Variants in DGKD observed in about 807,000 individuals in gnomAD.
DGKD encodes DAG kinase delta.
In DGKD, 68 loss-of-function variants were observed where a neutral mutation model predicts 154.4. The observed-to-expected ratio is 0.44, with a 90% CI of 0.36 to 0.54. DGKD has a LOEUF of 0.54. Ranked by LOEUF, DGKD falls within the 20% of genes least tolerant of loss-of-function variation. DGKD has a pLI of 0.00. For synonymous variants in DGKD, 693 were observed against 638.0 expected, an observed-to-expected ratio of 1.09 and a Z score of -1.30; for missense variants, 1,343 against 1,593.6, an observed-to-expected ratio of 0.84 and a Z score of 2.68.
At chr2:233,412,327 G>A (rs1193767338) in intron 3 of DGKD, among the ~76,000 whole-genome samples, 1 of 151,468 alleles carries the variant, frequency 6.6e-6, no homozygotes, top group East Asian at 1.9e-4. Flanking sequence ...CAGTGTAGAT[G>A]TCTTTAACGT....
intron 1 of DGKD, among the ~76,000 whole-genome samples, chr2:233,364,876 TACG>T (rs1701949256): frequency 6.6e-6 from 1 of 152,122 alleles, no homozygotes; most frequent in Non-Finnish European, 1.5e-5. Context: ...TTGAAAGAGA[TACG>T]TTTAAAACAT....
rs561797685 is a variant in DGKD, at chr2:233,449,601, T to C, written c.1888+225T>C. Among the ~76,000 whole-genome samples the C allele has an allele frequency of 2.0e-5, 3 of 152,196 alleles. No homozygotes were observed. The highest frequency in any genetic ancestry group is 2.1e-4 in the South Asian group (1 of 4,808). On this transcript the variant is annotated intron_variant, in intron 15 of 29. Transcript: ENST00000264057. The surrounding 1 kb of genome is among the most constrained non-coding windows in gnomAD (Gnocchi z 5.3). ...TCATGCTGCCTCCCCTCGACCTCTT[T>C]CCTGGCCCTCATTGACTTCACTATA...
At chr2:233,390,886 A>G (rs1232192110) in intron 3 of DGKD, among the ~76,000 whole-genome samples, 3 of 152,112 alleles carry the variant, frequency 2.0e-5, no homozygotes, top group Non-Finnish European at 4.4e-5. Flanking sequence ...GGCATGTGCC[A>G]CCACACCTGG....
intron 28 of DGKD, 28 bp downstream of exon 28, chr2:233,467,231 C>G (rs1173602857): frequency 1.3e-6 from 2 of 1,536,118 alleles, no homozygotes; most frequent in East Asian, 4.5e-5. Flanking sequence ...GCGTGTGTTT[C>G]TGGCCGTCCA....
chr2:233,434,699 G>T (rs1459236457), intron 4 of DGKD, 70 bp from the exon 5 acceptor site: 3 of 1,572,854 alleles, frequency 1.9e-6, no homozygotes, highest in Non-Finnish European at 2.6e-6. Flanking sequence ...GTTTAATCTT[G>T]TCCAAGTTAC....
chr2:233,387,844 G>A (rs1703289029), intron 1 of DGKD, among the ~76,000 whole-genome samples: 1 of 152,152 alleles, frequency 6.6e-6, no homozygotes, highest in Non-Finnish European at 1.5e-5. Context: ...AATGGCAGGG[G>A]GCCAGAGAAC....
rs551378426 is a variant in DGKD, at chr2:233,418,541, A to G, written c.349-15839A>G. Among the ~76,000 whole-genome samples the G allele has an allele frequency of 3.3e-5, 5 of 152,376 alleles. No homozygotes were observed. In the East Asian group the frequency reaches 5.8e-4, roughly 18 times the overall value. On this transcript the variant is annotated intron_variant, in intron 3 of 29. Transcript: ENST00000264057. Reference sequence around the variant, plus strand: ...ACTTTATGGGTTTCTAAAAAAATAAATAAATTAAAACAACCTATCTTCTGG... The same window carrying G: ...ACTTTATGGGTTTCTAAAAAAATAAGTAAATTAAAACAACCTATCTTCTGG...
intron 1 of DGKD, among the ~76,000 whole-genome samples, chr2:233,367,005 A>G (rs1249114671): frequency 2.0e-5 from 3 of 152,158 alleles, no homozygotes; most frequent in Non-Finnish European, 4.4e-5. Context: ...TTAACATTTA[A>G]TATCCAGATC....
chr2:233,449,838 G>A lies in DGKD; in HGVS notation c.1889-144G>A. The stretch of plus-strand genomic sequence containing the variant: ...GACCAGGGGGAAGATGGGTGGGGGT[G>A]GGGTTTCGGAGTCCAAGCCTTTAGC... On this transcript the variant is annotated intron_variant, in intron 15 of 29. Coordinates refer to ENST00000264057, the MANE Select transcript of DGKD (RefSeq NM_152879.3). This position sits in a 1 kb window ranked among gnomAD's most constrained non-coding sequence, Gnocchi z 5.3. The A allele has an allele frequency of 1.0e-6, 1 of 959,454 alleles. No homozygotes were observed. The highest frequency in any genetic ancestry group is 2.0e-5 in the South Asian group (1 of 50,748). 59.4% of individuals were successfully genotyped at this position (959,454 alleles called of 1,614,324 possible). A position where few individuals can be genotyped will look rare whatever the true frequency, so the allele number is the denominator to read the frequency against.
rs1302655869 is a variant in DGKD, at chr2:233,462,373, C to T, written c.3007C>T (p.Arg1003Trp). The T allele has an allele frequency of 8.7e-6, 14 of 1,602,648 alleles. No homozygotes were observed. The highest frequency in any genetic ancestry group is 4.4e-5 in the South Asian group (4 of 90,794). The change falls in exon 25 of 30, where the codon CGG becomes TGG. Residue 1003 changes from arginine to tryptophan, a missense_variant. Physicochemically the swap from Arg to Trp is moderately radical, Grantham distance 101 (BLOSUM62 -3). Coordinates refer to ENST00000264057, the MANE Select transcript of DGKD (RefSeq NM_152879.3). ...TATCCGAGAAATAGCTCAGTCTCAC[C>T]GGGACATGGAGCAGGAACTGGCCCA... ...HSIREIAQSHRDMEQELAHAV... is the reference protein window; with the variant it reads ...HSIREIAQSHWDMEQELAHAV...
chr2:233,409,787 GTTTTTTTTTTTT>G (rs3075533), intron 3 of DGKD, among the ~76,000 whole-genome samples: 9 of 60,892 alleles, frequency 1.5e-4, no homozygotes, highest in East Asian at 6.3e-4. Context: ...CCCCCATACC[GTTTTTTTTTTTT>G]TTTTTTTTTT....
At chr2:233,414,918 G>A (rs838734) in intron 3 of DGKD, among the ~76,000 whole-genome samples, 47,571 of 152,006 alleles carry the variant, frequency 0.31, 8,419 homozygotes, top group Middle Eastern at 0.44. Flanking sequence ...CTTCCAGTCT[G>A]AGGGAGTTGG....
At chr2:233,426,479 A>G (rs1443816741) in intron 3 of DGKD, among the ~76,000 whole-genome samples, 1 of 152,138 alleles carries the variant, frequency 6.6e-6, no homozygotes, top group African/African-American at 2.4e-5. Flanking sequence ...CTGTCAAAGC[A>G]GCTGCTAGGA....
intron 3 of DGKD, among the ~76,000 whole-genome samples, chr2:233,408,238 C>T (rs923151416): frequency 1.3e-5 from 2 of 151,988 alleles, no homozygotes; most frequent in Non-Finnish European, 2.9e-5. Context: ...GACAGGGTTT[C>T]ACCATGTTGG....
chr2:233,376,084 A>G (rs1007465646), intron 1 of DGKD, among the ~76,000 whole-genome samples: 13 of 152,108 alleles, frequency 8.5e-5, no homozygotes, highest in Non-Finnish European at 4.4e-5. Flanking sequence ...TTCCTACCTT[A>G]ATGAACCACA....
At chr2:233,433,151 A>T (rs1333153850) in intron 3 of DGKD, among the ~76,000 whole-genome samples, 6 of 152,236 alleles carry the variant, frequency 3.9e-5, no homozygotes. Context: ...ATGTGATTAT[A>T]GCAGCACTAT....
chr2:233,462,317 G>T (rs2096403386), intron 24 of DGKD, 31 bp from the exon 25 acceptor site: 2 of 1,564,356 alleles, frequency 1.3e-6, no homozygotes, highest in South Asian at 2.3e-5. Context: ...CATTTGGCCT[G>T]ACATCTGCCC....
chr2:233,460,366 G>A (rs761970775), intron 24 of DGKD, 21 bp downstream of exon 24: 38 of 1,612,812 alleles, frequency 2.4e-5, no homozygotes, highest in Middle Eastern at 1.6e-4. Flanking sequence ...ACCCCTCTGC[G>A]TTGCGCATGA....
chr2:233,374,904 A>G (rs1702491602), intron 1 of DGKD, among the ~76,000 whole-genome samples: 1 of 152,114 alleles, frequency 6.6e-6, no homozygotes. Context: ...CCTGGGCTCA[A>G]GTGATCTGCC....
Sources: gnomAD v4.1 joint callset for allele counts (sites outside exome capture counted in the v4.1 genomes callset) on GRCh38, gnomAD v4.1.1 for gene constraint, Gnocchi (gnomAD v3.1) non-coding constraint, MANE v1.5 for transcripts, NCBI Gene and HGNC (gene_info 2026-07-23, HGNC 2026-07-21) for gene names.